FAM13C: variants seen among roughly 807,000 people sequenced by gnomAD.
FAM13C encodes the protein family with sequence similarity 13 member C, also known as protein FAM13C.
FAM13C carries 37 observed loss-of-function variants against 73.2 expected under a neutral mutation model. The observed-to-expected ratio is 0.51, with a 90% confidence interval of 0.39 to 0.67. FAM13C has a LOEUF of 0.67. Ranked by LOEUF, FAM13C falls within the 30% of genes least tolerant of loss-of-function variation. The pLI is 0.00. For missense variants in FAM13C, 589 were observed against 715.6 expected (o/e 0.82, Z 2.02); for synonymous variants, 246 against 260.9 (o/e 0.94, Z 0.55).
intron 13 of FAM13C, among the ~76,000 whole-genome samples, chr10:59,249,408 GAAAA>G (rs71006241): frequency 1.6e-4 from 16 of 99,174 alleles, no homozygotes; most frequent in Non-Finnish European, 2.4e-4. Flanking sequence ...CGTCTCAAAA[GAAAA>G]AAAAAAAAAA....
intron 6 of FAM13C, among the ~76,000 whole-genome samples, chr10:59,272,298 ACTG>A (rs1219596334): frequency 2.0e-5 from 3 of 152,170 alleles, no homozygotes; most frequent in African/African-American, 7.2e-5. Flanking sequence ...CCAGTCAAAA[ACTG>A]GTAATTTTGT....
chr10:59,350,109 G>C (rs1854834406), intron 3 of FAM13C, among the ~76,000 whole-genome samples: 2 of 152,074 alleles, frequency 1.3e-5, no homozygotes, highest in South Asian at 4.2e-4. Context: ...CAAATGTCTT[G>C]CTTGGAATGG....
chr10:59,248,407 G>A lies in FAM13C; in HGVS notation c.1635-670C>T, dbSNP rs372237556. ...ACAATGCATAGATTTTTATACATAT[G>A]CAGCATACTCTTGCTGTTTACTTGG... On this transcript the variant is annotated intron_variant, in intron 13 of 13. Coordinates refer to ENST00000618804, the MANE Select transcript of FAM13C (RefSeq NM_198215.4). 5.3e-5 allele frequency among the ~76,000 whole-genome samples: 8 copies of A among 152,222 alleles called. No homozygotes were observed. In the East Asian group the frequency reaches 9.7e-4, roughly 18 times the overall value.
At chr10:59,262,133 G>A (rs529399211) in intron 10 of FAM13C, among the ~76,000 whole-genome samples, 11 of 152,176 alleles carry the variant, frequency 7.2e-5, no homozygotes, top group Admixed American at 1.3e-4. Flanking sequence ...CTAGTCTTGG[G>A]TTCATTTGCT....
At chr10:59,306,211 C>A (rs919314910) in intron 4 of FAM13C, among the ~76,000 whole-genome samples, 5 of 152,098 alleles carry the variant, frequency 3.3e-5, no homozygotes, top group African/African-American at 9.7e-5. Flanking sequence ...AAGTAGCAAA[C>A]TTTCATGGAA....
intron 8 of FAM13C, among the ~76,000 whole-genome samples, chr10:59,265,637 C>A (rs184487880): frequency 0.017 from 2,567 of 152,228 alleles, 34 homozygotes; most frequent in Non-Finnish European, 0.028. Context: ...CACACACACA[C>A]AAAATCCTAA....
chr10:59,353,683 G>T (rs543895872), intron 2 of FAM13C, among the ~76,000 whole-genome samples: 3 of 152,162 alleles, frequency 2.0e-5, no homozygotes, highest in African/African-American at 4.8e-5. Context: ...GGTAGTCTTT[G>T]GGAAAAGAGC....
intron 3 of FAM13C, among the ~76,000 whole-genome samples, chr10:59,351,033 A>G: frequency 6.6e-6 from 1 of 152,188 alleles, no homozygotes; most frequent in Non-Finnish European, 1.5e-5. Context: ...AGATAATTCA[A>G]TCTTTTTTAA....
chr10:59,285,240 G>GT (rs1428919243), intron 5 of FAM13C, among the ~76,000 whole-genome samples: 2 of 152,128 alleles, frequency 1.3e-5, no homozygotes, highest in Non-Finnish European at 2.9e-5. Context: ...TGTGGGACTG[G>GT]GCCATTTTTT....
chr10:59,283,801 T>C (rs564227443), intron 5 of FAM13C: 88 of 492,724 alleles, frequency 1.8e-4, no homozygotes, highest in African/African-American at 1.6e-3. Context: ...TGAGAAGATA[T>C]CTGCTTCCCG....
chr10:59,316,493 CG>C (rs1397283772), intron 4 of FAM13C, among the ~76,000 whole-genome samples: 1 of 152,050 alleles, frequency 6.6e-6, no homozygotes, highest in Non-Finnish European at 1.5e-5. Context: ...CCCTTAGTGA[CG>C]GGGATGTATT....
chr10:59,249,321 G>A (rs531448909), intron 13 of FAM13C, among the ~76,000 whole-genome samples: 20 of 146,834 alleles, frequency 1.4e-4, no homozygotes, highest in African/African-American at 4.9e-4. Flanking sequence ...GGAGAATGGC[G>A]TGAACCCAGG....
chr10:59,332,210 G>A (rs1448819319), intron 3 of FAM13C, among the ~76,000 whole-genome samples: 1 of 151,998 alleles, frequency 6.6e-6, no homozygotes, highest in African/African-American at 2.4e-5. Context: ...AGAGAGAGGT[G>A]GAGGGGTAGA....
At chr10:59,322,408 T>G (rs942630801) in intron 4 of FAM13C, among the ~76,000 whole-genome samples, 3 of 152,208 alleles carry the variant, frequency 2.0e-5, no homozygotes, top group African/African-American at 4.8e-5. Flanking sequence ...GAAAGCTCAA[T>G]TCTGTGAAAG....
chr10:59,320,350 A>G (rs1850055506), intron 4 of FAM13C, among the ~76,000 whole-genome samples: 1 of 152,168 alleles, frequency 6.6e-6, no homozygotes. Flanking sequence ...GTGGCACTGT[A>G]AGGCCAAGGA....
intron 1 of FAM13C, among the ~76,000 whole-genome samples, chr10:59,359,131 C>T (rs1856075434): frequency 6.6e-6 from 1 of 152,200 alleles, no homozygotes; most frequent in South Asian, 2.1e-4. Flanking sequence ...TGTGGTACTT[C>T]ACAGCTCACC....
At chr10:59,354,880 C>T (rs1481326533) in intron 2 of FAM13C, among the ~76,000 whole-genome samples, 3 of 152,126 alleles carry the variant, frequency 2.0e-5, no homozygotes, top group Non-Finnish European at 2.9e-5. Context: ...TCCTACCATC[C>T]TGAACCACTT....
chr10:59,341,190 C>T (rs538665705), intron 3 of FAM13C, among the ~76,000 whole-genome samples: 2 of 152,092 alleles, frequency 1.3e-5, no homozygotes, highest in Non-Finnish European at 2.9e-5. Flanking sequence ...GCTGGCAAAT[C>T]GACTTACCTT....
At chr10:59,305,037 A>G (rs1011094338) in intron 4 of FAM13C, among the ~76,000 whole-genome samples, 6 of 152,238 alleles carry the variant, frequency 3.9e-5, no homozygotes, top group Middle Eastern at 3.4e-3. Context: ...ACCCAATCTT[A>G]GCCTTTTCAG....
Sources: gnomAD v4.1 joint callset for allele counts (sites outside exome capture counted in the v4.1 genomes callset) on GRCh38, gnomAD v4.1.1 for gene constraint, MANE v1.5 for transcripts, NCBI Gene and HGNC (gene_info 2026-07-23, HGNC 2026-07-21) for gene names.